ESF1: variants seen among roughly 807,000 people sequenced by gnomAD.
The protein encoded by ESF1 is ESF1 nucleolar pre-rRNA processing protein.
In ESF1, 58 loss-of-function variants were observed where a neutral mutation model predicts 92.0. That is an observed-to-expected ratio of 0.63 (90% CI 0.51 to 0.78). The LOEUF (loss-of-function observed/expected upper bound fraction) is 0.78, where lower values mean the gene tolerates loss of function less well. Ranked by LOEUF, ESF1 falls within the 30% of genes least tolerant of loss-of-function variation. ESF1 has a pLI of 0.00. For synonymous variants in ESF1, 321 were observed against 313.7 expected, an observed-to-expected ratio of 1.02 and a Z score of -0.24; for missense variants, 922 against 989.1, an observed-to-expected ratio of 0.93 and a Z score of 0.91.
At chr20:13,749,804 T>G (rs1978543806) in intron 9 of ESF1, among the ~76,000 whole-genome samples, 1 of 151,938 alleles carries the variant, frequency 6.6e-6, no homozygotes, top group Admixed American at 6.6e-5. Flanking sequence ...TGACCTCAGG[T>G]GATCTGCCCA....
intron 13 of ESF1, 134 bp from the exon 14 acceptor site, chr20:13,715,301 A>C: frequency 1.2e-6 from 1 of 817,576 alleles, no homozygotes; most frequent in East Asian, 2.9e-5. Flanking sequence ...GTTTGTACTG[A>C]TTCATTAGGA....
chr20:13,716,237 T>G (rs1170641733), intron 13 of ESF1, among the ~76,000 whole-genome samples: 1 of 152,170 alleles, frequency 6.6e-6, no homozygotes. Flanking sequence ...GTTTGTAGAT[T>G]TTTGGTAGAC....
At chr20:13,728,594 T>C in intron 10 of ESF1, 129 bp from the exon 11 acceptor site, 3 of 757,356 alleles carry the variant, frequency 4.0e-6, no homozygotes, top group Non-Finnish European at 6.3e-6. Flanking sequence ...TGGCCAAGCG[T>C]GGTGGCTCAC....
chr20:13,733,720 C>G lies in ESF1; in HGVS notation c.1950+1G>C. 6.2e-7 allele frequency: 1 copy of G among 1,610,686 alleles called. No individual in the cohort carries two copies. The highest frequency in any genetic ancestry group is 8.5e-7 in the Non-Finnish European group (1 of 1,178,930). On this transcript the variant is annotated splice_donor_variant, in intron 10 of 13. Coordinates refer to ENST00000617257, the MANE Select transcript of ESF1 (RefSeq NM_001276380.2). LOFTEE classifies it high-confidence loss of function. ...CATTTGGTCATAATTATCAATGATA[C>G]CTTCTGTTTCCTTTTCAGTCTTTTT...
intron 12 of ESF1, among the ~76,000 whole-genome samples, chr20:13,718,638 G>A (rs1202035826): frequency 6.6e-6 from 1 of 152,064 alleles, no homozygotes; most frequent in Non-Finnish European, 1.5e-5. Context: ...TTAAAAGTGA[G>A]ATAATTCCCT....
At chr20:13,763,091 G>A (rs977401850) in intron 8 of ESF1, among the ~76,000 whole-genome samples, 1 of 151,978 alleles carries the variant, frequency 6.6e-6, no homozygotes, top group Admixed American at 6.6e-5. Context: ...TTGATCTCCC[G>A]ACCTCATGAT....
chr20:13,753,698 A>G (rs1348283857), intron 9 of ESF1, among the ~76,000 whole-genome samples: 1 of 151,994 alleles, frequency 6.6e-6, no homozygotes, highest in African/African-American at 2.4e-5. Context: ...TCAGAAATTC[A>G]CTGCCAGGAT....
chr20:13,780,279 G>A (rs1390473511), intron 2 of ESF1, among the ~76,000 whole-genome samples: 1 of 152,132 alleles, frequency 6.6e-6, no homozygotes. Flanking sequence ...GAAAAGATAT[G>A]TAAAAAAGTC....
In ESF1 at chr20:13,716,804, A is replaced by ATTT. The variant is rs71188180; in HGVS notation, c.2262+561_2262+563dup. Among the ~76,000 whole-genome samples, 346 of 45,904 alleles carry ATTT rather than the reference A, an allele frequency of 7.5e-3. 21 individuals carry two copies. Among genetic ancestry groups the ATTT allele is most frequent in the African/African-American group, 0.02 (263 of 13,000 alleles). The allele number at this position is 45,904 out of a possible 152,430, so 30.1% of individuals were successfully genotyped here. A position where few individuals can be genotyped will look rare whatever the true frequency, so the allele number is the denominator to read the frequency against. ...TACAGGTGTGCGCCACTATACCTGG[A>ATTT]TTTTTTTTTTTTTTTTTTTTTTTTT... On this transcript the variant is annotated intron_variant, in intron 13 of 13. Transcript: ENST00000617257.
chr20:13,755,667 T>C (rs921034257), intron 9 of ESF1, among the ~76,000 whole-genome samples: 2 of 152,222 alleles, frequency 1.3e-5, no homozygotes, highest in Admixed American at 1.3e-4. Flanking sequence ...TTTTTACTTA[T>C]TTATAATCCT....
chr20:13,730,078 CT>C (rs201854470), intron 10 of ESF1, among the ~76,000 whole-genome samples: 18 of 147,956 alleles, frequency 1.2e-4, no homozygotes, highest in Non-Finnish European at 9.0e-5. Flanking sequence ...GTGCTTCTGG[CT>C]TTTTTTTTTG....
At chr20:13,757,622 C>T (rs1978958199) in intron 9 of ESF1, among the ~76,000 whole-genome samples, 3 of 152,192 alleles carry the variant, frequency 2.0e-5, no homozygotes, top group African/African-American at 7.2e-5. Flanking sequence ...GGGCTGGTCT[C>T]GAACATCTGA....
chr20:13,767,218 T>C (rs1473811698), intron 7 of ESF1, among the ~76,000 whole-genome samples: 4 of 151,896 alleles, frequency 2.6e-5, no homozygotes, highest in Admixed American at 6.6e-5. Flanking sequence ...ACTAAGAAAA[T>C]GTACTGGTAA....
At chr20:13,764,917 T>C (rs991102790) in intron 8 of ESF1, among the ~76,000 whole-genome samples, 1 of 143,604 alleles carries the variant, frequency 7.0e-6, no homozygotes, top group African/African-American at 2.6e-5. Flanking sequence ...TTTCAAACAT[T>C]AAAAAAAAAA....
chr20:13,748,485 C>G (rs74179715), intron 9 of ESF1, among the ~76,000 whole-genome samples: 1 of 120,182 alleles, frequency 8.3e-6, no homozygotes, highest in Non-Finnish European at 1.7e-5. Context: ...TACACATATA[C>G]ACATATATAT....
chr20:13,750,731 C>T (rs951849818), intron 9 of ESF1, among the ~76,000 whole-genome samples: 2 of 152,178 alleles, frequency 1.3e-5, no homozygotes, highest in African/African-American at 4.8e-5. Flanking sequence ...GCAATTCCAG[C>T]GCTTTGGGAG....
chr20:13,741,515 T>C (rs1016130535), intron 9 of ESF1, among the ~76,000 whole-genome samples: 3 of 152,074 alleles, frequency 2.0e-5, no homozygotes, highest in Non-Finnish European at 4.4e-5. Flanking sequence ...GAAACTCTGG[T>C]ACATGAGAGG....
At chr20:13,732,288 A>C (rs1367480240) in intron 10 of ESF1, among the ~76,000 whole-genome samples, 3 of 152,312 alleles carry the variant, frequency 2.0e-5, no homozygotes, top group Non-Finnish European at 4.4e-5. Context: ...TTGGTCACAG[A>C]AGTCTTCTTC....
intron 4 of ESF1, among the ~76,000 whole-genome samples, chr20:13,774,130 T>C (rs2147776053): frequency 6.6e-6 from 1 of 152,326 alleles, no homozygotes; most frequent in South Asian, 2.1e-4. Flanking sequence ...TACTCTTAAT[T>C]TGTTTATTCT....
Sources: gnomAD v4.1 joint callset for allele counts (sites outside exome capture counted in the v4.1 genomes callset) on GRCh38, gnomAD v4.1.1 for gene constraint, MANE v1.5 for transcripts, NCBI Gene and HGNC (gene_info 2026-07-23, HGNC 2026-07-21) for gene names.